Variants in TRAPPC9 observed in about 807,000 individuals in gnomAD.
TRAPPC9 encodes trafficking protein particle complex subunit 9.
Under a neutral mutation model 124.0 loss-of-function variants are expected in TRAPPC9, and 83 were observed. The ratio of observed to expected loss-of-function variants is 0.67; its 90% confidence interval spans 0.56 to 0.80. The LOEUF (loss-of-function observed/expected upper bound fraction) is 0.80, where lower values mean the gene tolerates loss of function less well. Ranked by LOEUF, TRAPPC9 falls within the 30% of genes least tolerant of loss-of-function variation. TRAPPC9 has a pLI of 0.00. For missense variants in TRAPPC9, 1,302 were observed against 1,508.3 expected (o/e 0.86, Z 2.27); for synonymous variants, 638 against 617.5 (o/e 1.03, Z -0.49).
At chr8:140,205,549 C>T (rs901845968) in intron 17 of TRAPPC9, among the ~76,000 whole-genome samples, 4 of 152,182 alleles carry the variant, frequency 2.6e-5, no homozygotes, top group African/African-American at 7.2e-5. Context: ...TGCCACTTCA[C>T]GGCCTACTTG....
intron 21 of TRAPPC9, among the ~76,000 whole-genome samples, chr8:139,849,472 T>C (rs1298867880): frequency 6.6e-6 from 1 of 152,256 alleles, no homozygotes; most frequent in Non-Finnish European, 1.5e-5. Context: ...GGTTCTGCAT[T>C]TTCATTATGT....
chr8:140,163,045 C>A (rs923933150), intron 17 of TRAPPC9, among the ~76,000 whole-genome samples: 9 of 152,026 alleles, frequency 5.9e-5, no homozygotes, highest in Non-Finnish European at 1.0e-4. Context: ...TATTCTACCA[C>A]AATTTTTTAA....
intron 16 of TRAPPC9, 94 bp from the exon 17 acceptor site, chr8:140,221,677 G>A (rs536556264): frequency 2.1e-5 from 31 of 1,479,008 alleles, no homozygotes; most frequent in African/African-American, 1.3e-4. Flanking sequence ...TCGCTCTGTC[G>A]CACAAGCTGG....
At chr8:140,294,347 G>C (rs2065746893) in intron 11 of TRAPPC9, among the ~76,000 whole-genome samples, 1 of 152,040 alleles carries the variant, frequency 6.6e-6, no homozygotes, top group South Asian at 2.1e-4. Flanking sequence ...CACCCAGCCT[G>C]CCCGGGGCCA....
At position 140,252,516 on chromosome 8, in the gene TRAPPC9, A is replaced by G. The variant is rs2064153891; in HGVS notation, c.2431+261T>C. ...ACGCAGTAATTCCTACATTCCACTAATTTAGAATGACCTGCTGGTAAATGA... is the reference window on the plus strand; with the variant it reads ...ACGCAGTAATTCCTACATTCCACTAGTTTAGAATGACCTGCTGGTAAATGA... On this transcript the variant is annotated intron_variant, in intron 16 of 22. Coordinates refer to ENST00000438773, the MANE Select transcript of TRAPPC9 (RefSeq NM_001160372.4). The surrounding 1 kb of genome is among the most constrained non-coding windows in gnomAD (Gnocchi z 4.2). 1 of 473,264 alleles carries G rather than the reference A, an allele frequency of 2.1e-6. No individual in the cohort carries two copies. Among genetic ancestry groups the G allele is most frequent in the African/African-American group, 1.9e-5 (1 of 51,548 alleles). 29.3% of individuals were successfully genotyped at this position (473,264 alleles called of 1,614,324 possible). A position where few individuals can be genotyped will look rare whatever the true frequency, so the allele number is the denominator to read the frequency against.
chr8:139,884,157 A>G (rs932875719), intron 21 of TRAPPC9, among the ~76,000 whole-genome samples: 2 of 151,994 alleles, frequency 1.3e-5, no homozygotes, highest in African/African-American at 4.8e-5. Flanking sequence ...TGCCTCTCCA[A>G]TTCCAGAACC....
At chr8:139,968,556 C>A (rs150644939) in intron 19 of TRAPPC9, among the ~76,000 whole-genome samples, 1 of 152,186 alleles carries the variant, frequency 6.6e-6, no homozygotes, top group Non-Finnish European at 1.5e-5. Context: ...CAAAGTCACC[C>A]GCTCCTTAAG....
At chr8:140,140,011 A>G (rs2061359921) in intron 17 of TRAPPC9, among the ~76,000 whole-genome samples, 1 of 152,240 alleles carries the variant, frequency 6.6e-6, no homozygotes, top group Non-Finnish European at 1.5e-5. Flanking sequence ...TTCATTATGA[A>G]TAACAACGAC....
intron 21 of TRAPPC9, among the ~76,000 whole-genome samples, chr8:139,752,233 C>G (rs61566994): frequency 0.09 from 13,351 of 149,130 alleles, 593 homozygotes; most frequent in Middle Eastern, 0.12. Flanking sequence ...CCAACATCTA[C>G]CCATCCATCC....
intron 1 of TRAPPC9, among the ~76,000 whole-genome samples, chr8:140,452,557 C>CT (rs965170913): frequency 5.3e-5 from 8 of 152,046 alleles, no homozygotes; most frequent in South Asian, 2.1e-4. Flanking sequence ...AATATACCAC[C>CT]TTTCCTTTAT....
intron 15 of TRAPPC9, among the ~76,000 whole-genome samples, chr8:140,255,807 C>T (rs1027408966): frequency 2.0e-5 from 3 of 152,096 alleles, no homozygotes; most frequent in African/African-American, 7.2e-5. Flanking sequence ...AGTCACTTGA[C>T]CCAGGGAGGT....
chr8:140,131,708 A>G (rs575195322), intron 17 of TRAPPC9, among the ~76,000 whole-genome samples: 103 of 152,360 alleles, frequency 6.8e-4, no homozygotes, highest in African/African-American at 2.4e-3. Context: ...TTGAGGGAAC[A>G]AAGGCTTGAG....
chr8:140,142,234 C>T (rs572282770), intron 17 of TRAPPC9, among the ~76,000 whole-genome samples: 6 of 152,352 alleles, frequency 3.9e-5, no homozygotes, highest in South Asian at 4.1e-4. Context: ...TGCACACATT[C>T]GCACACGCAC....
At chr8:139,854,727 G>A (rs949346098) in intron 21 of TRAPPC9, among the ~76,000 whole-genome samples, 37 of 152,320 alleles carry the variant, frequency 2.4e-4, no homozygotes, top group African/African-American at 8.7e-4. Flanking sequence ...TCTCTTTCCT[G>A]GTCAAATCTC....
chr8:139,736,376 C>G (rs1488082266), intron 21 of TRAPPC9, among the ~76,000 whole-genome samples: 7 of 152,238 alleles, frequency 4.6e-5, no homozygotes, highest in African/African-American at 1.7e-4. Flanking sequence ...TCCACAATGA[C>G]TGCCGACCAA....
chr8:139,770,562 C>T (rs567968431), intron 21 of TRAPPC9, among the ~76,000 whole-genome samples: 15 of 152,320 alleles, frequency 9.8e-5, no homozygotes, highest in African/African-American at 2.4e-4. Context: ...CGTGAAACTG[C>T]GCAAACAGTG....
At chr8:140,003,601 CAAAAA>C (rs58826807) in intron 18 of TRAPPC9, among the ~76,000 whole-genome samples, 13,521 of 91,342 alleles carry the variant, frequency 0.15, 935 homozygotes, top group African/African-American at 0.28. Context: ...GACCCTGTCA[CAAAAA>C]AAAAAAAAAA....
chr8:139,897,288 G>C (rs1316504131), intron 20 of TRAPPC9, among the ~76,000 whole-genome samples: 1 of 152,250 alleles, frequency 6.6e-6, no homozygotes, highest in East Asian at 1.9e-4. Flanking sequence ...TGAGCCGTGA[G>C]GTCCAGGGGC....
intron 21 of TRAPPC9, among the ~76,000 whole-genome samples, chr8:139,798,359 G>A (rs1426213751): frequency 3.3e-5 from 5 of 152,166 alleles, no homozygotes; most frequent in African/African-American, 4.8e-5. Flanking sequence ...AATCTTGCAC[G>A]GCAATAGAGA....
Sources: gnomAD v4.1 joint callset for allele counts (sites outside exome capture counted in the v4.1 genomes callset) on GRCh38, gnomAD v4.1.1 for gene constraint, Gnocchi (gnomAD v3.1) non-coding constraint, MANE v1.5 for transcripts, NCBI Gene and HGNC (gene_info 2026-07-23, HGNC 2026-07-21) for gene names.